Variants in RBM10 observed in about 807,000 individuals in gnomAD.
RBM10 encodes the protein RNA binding motif protein 10, also known as RNA-binding protein 10.
In RBM10, 1 loss-of-function variant was observed where a neutral mutation model predicts 84.9. That is an observed-to-expected ratio of 0.01 (90% CI 0.00 to 0.06). RBM10 has a LOEUF of 0.06. Among genes scored for constraint, RBM10 ranks in the 10% least tolerant of loss-of-function variants. The probability of loss-of-function intolerance (pLI) is 1.00; values close to 1 mark genes in which losing one functional copy is unlikely to be tolerated. For missense variants in RBM10, 438 were observed against 839.0 expected (o/e 0.52, Z 5.90); for synonymous variants, 326 against 344.5 (o/e 0.95, Z 0.60).
In RBM10 at chrX:47,179,956, G is replaced by A; in HGVS notation, c.978G>A (p.Leu326=). Residue 326 remains leucine, a synonymous_variant, in exon 10 of 24, where the codon CTG becomes CTA. Coordinates refer to ENST00000377604, the MANE Select transcript of RBM10 (RefSeq NM_005676.5). Reference sequence around the variant, plus strand: ...GGGCCCTGGCACCCTACGCGGTGCTGTCCTCCTCCAACGTGCGCGTCATAA... The same window carrying A: ...GGGCCCTGGCACCCTACGCGGTGCTATCCTCCTCCAACGTGCGCGTCATAA... ...ILGALAPYAV[L]SSSNVRVIKD... 2 of 1,211,263 alleles carry A rather than the reference G, an allele frequency of 1.7e-6. No individual in the cohort carries two copies. The highest frequency in any genetic ancestry group is 2.2e-6 in the Non-Finnish European group (2 of 895,167).
chrX:47,175,415 G>A (rs988730126), intron 6 of RBM10, among the ~76,000 whole-genome samples: 1 of 110,455 alleles, frequency 9.1e-6, no homozygotes, highest in Non-Finnish European at 1.9e-5. Context: ...CCACTCCCCC[G>A]GGGCTGGTGG....
At chrX:47,164,206 A>C (rs1556767981) in intron 2 of RBM10, among the ~76,000 whole-genome samples, 1 of 111,399 alleles carries the variant, frequency 9.0e-6, no homozygotes, top group African/African-American at 3.3e-5. Context: ...CACTATCAAG[A>C]AAGTGAAAAG....
At chrX:47,182,965 C>T in intron 17 of RBM10, among the ~76,000 whole-genome samples, 1 of 112,311 alleles carries the variant, frequency 8.9e-6, no homozygotes, top group East Asian at 2.8e-4. Context: ...GGGTGTATGT[C>T]AGGGGAAGAG....
At chrX:47,149,181 TTTTTTTG>T (rs1260530604) in intron 2 of RBM10, among the ~76,000 whole-genome samples, 12 of 111,079 alleles carry the variant, frequency 1.1e-4, no homozygotes, top group African/African-American at 2.9e-4. Flanking sequence ...AGTGGGAGGT[TTTTTTTG>T]TTTTTTGTTT....
At position 47,186,124 on chromosome X, in the gene RBM10, G is replaced by T. The variant is rs782040598; in HGVS notation, c.2490G>T (p.Pro830=). 14 of 1,212,644 alleles carry T rather than the reference G, an allele frequency of 1.2e-5. No homozygotes were observed. In the South Asian group the frequency reaches 2.3e-4, roughly 20 times the overall value. The part of the protein sequence containing the change: ...ERREKYGIPE[P]PEPKRRKYGG... Reference sequence around the variant, plus strand: ...GAGAAAAGTATGGCATCCCCGAGCCGCCAGAGCCCAAGAGGAGGAAGTACG... The same window carrying T: ...GAGAAAAGTATGGCATCCCCGAGCCTCCAGAGCCCAAGAGGAGGAAGTACG... The change falls in exon 22 of 24, where the codon CCG becomes CCT. Residue 830 remains proline, a synonymous_variant. Transcript: ENST00000377604.
intron 5 of RBM10, 133 bp from the exon 6 acceptor site, chrX:47,174,886 C>T (rs1027621199): frequency 4.4e-5 from 21 of 477,802 alleles, no homozygotes; most frequent in Non-Finnish European, 6.0e-5. Flanking sequence ...GCCTCTTTCT[C>T]TTTCTTCCTT....
chrX:47,145,579 G>C, intron 1 of RBM10, 94 bp downstream of exon 1: 5 of 925,418 alleles, frequency 5.4e-6, no homozygotes, highest in Non-Finnish European at 7.4e-6. Flanking sequence ...CGGGGGAGAT[G>C]CGCGGAACGG....
intron 2 of RBM10, among the ~76,000 whole-genome samples, chrX:47,149,258 G>A (rs1402301409): frequency 9.0e-6 from 1 of 111,721 alleles, no homozygotes; most frequent in East Asian, 2.8e-4. Context: ...CCTGGGCTCA[G>A]GCAATTCTCC....
intron 12 of RBM10, 110 bp downstream of exon 12, chrX:47,180,616 C>G: frequency 8.8e-7 from 1 of 1,131,179 alleles, no homozygotes; most frequent in Non-Finnish European, 1.2e-6. Context: ...ATGCAAAACC[C>G]TCTCCCAGTA....
intron 9 of RBM10, 28 bp from the exon 10 acceptor site, chrX:47,179,852 T>C: frequency 8.4e-7 from 1 of 1,189,447 alleles, no homozygotes; most frequent in Non-Finnish European, 1.1e-6. Flanking sequence ...GCCAGGGGTG[T>C]CCTCTAACAT....
chrX:47,180,333 T>TGCCCCCCGTGG, intron 11 of RBM10, 24 bp downstream of exon 11: 1 of 1,107,408 alleles, frequency 9.0e-7, no homozygotes, highest in Non-Finnish European at 1.2e-6. Flanking sequence ...CTGTGTGCCT[T>TGCCCCCCGTGG]CCCACCCTTC....
Position 47,181,660 on chromosome X carries a change from G to A in RBM10, c.1575+14G>A, listed in dbSNP as rs373946800. The A allele has an allele frequency of 1.9e-4, 228 of 1,205,800 alleles. No homozygotes were observed. Among genetic ancestry groups the A allele is most frequent in the Non-Finnish European group, 2.4e-4 (211 of 893,875 alleles). ...GCCAACAGCCAGGTGAGTGAGCCCT[G>A]TGGGTATGTATCCCGGGGAGGCAGG... On this transcript the variant is annotated intron_variant, in intron 14 of 23. Transcript: ENST00000377604.
intron 2 of RBM10, among the ~76,000 whole-genome samples, chrX:47,166,005 G>A (rs1420858687): frequency 9.1e-6 from 1 of 110,308 alleles, no homozygotes; most frequent in African/African-American, 3.3e-5. Flanking sequence ...GGGTGACAGA[G>A]CGAGACTCCA....
At chrX:47,161,513 GTT>G (rs781863849) in intron 2 of RBM10, among the ~76,000 whole-genome samples, 2,959 of 55,067 alleles carry the variant, frequency 0.054, 33 homozygotes, top group Middle Eastern at 0.11. Context: ...CAACTCATTA[GTT>G]TTTTTTTTTT....
At chrX:47,168,418 C>T (rs1236358589) in intron 2 of RBM10, among the ~76,000 whole-genome samples, 2 of 110,599 alleles carry the variant, frequency 1.8e-5, no homozygotes, top group Non-Finnish European at 3.8e-5. Context: ...CGTGGTGGTG[C>T]GTGCCTGTGG....
At chrX:47,155,592 C>A (rs1251761987) in intron 2 of RBM10, among the ~76,000 whole-genome samples, 15 of 105,846 alleles carry the variant, frequency 1.4e-4, no homozygotes, top group African/African-American at 5.2e-4. Flanking sequence ...AATTAGCCGG[C>A]TGTGGTGGCG....
At chrX:47,166,922 C>A (rs896593507) in intron 2 of RBM10, among the ~76,000 whole-genome samples, 2 of 109,270 alleles carry the variant, frequency 1.8e-5, no homozygotes, top group Non-Finnish European at 3.8e-5. Context: ...ACTACAGGTG[C>A]GTGTCACCAC....
chrX:47,170,022 C>T (rs781894536), intron 3 of RBM10, among the ~76,000 whole-genome samples: 1 of 112,964 alleles, frequency 8.9e-6, no homozygotes, highest in East Asian at 2.8e-4. Context: ...CGGGATGAGG[C>T]GCGATGTTTA....
chrX:47,148,956 A>T (rs1314087042), intron 2 of RBM10, among the ~76,000 whole-genome samples: 1 of 106,524 alleles, frequency 9.4e-6, no homozygotes, highest in Admixed American at 1.0e-4. Flanking sequence ...ATATCATAGA[A>T]AATGTATCAT....
Sources: allele counts gnomAD v4.1 joint callset (sites outside exome capture counted in the v4.1 genomes callset), GRCh38; gene constraint gnomAD v4.1.1; transcripts MANE v1.5; gene names NCBI Gene and HGNC (gene_info 2026-07-23, HGNC 2026-07-21).